The following AFF3 variants were observed in gnomAD, a reference collection of about 807,000 sequenced individuals.
AFF3 encodes AF4/FMR2 family member 3.
AFF3 carries 32 observed loss-of-function variants against 129.7 expected under a neutral mutation model. That is an observed-to-expected ratio of 0.25 (90% confidence interval 0.19 to 0.33). AFF3 has a LOEUF of 0.33. AFF3 is among the 10% of genes least tolerant of loss of function. The pLI is 1.00. For synonymous variants in AFF3, 644 were observed against 635.4 expected (o/e 1.01, Z -0.20); for missense variants, 1,373 against 1,592.0 (o/e 0.86, Z 2.34).
chr2:99,954,866 A>G (rs1676490051), intron 7 of AFF3, among the ~76,000 whole-genome samples: 2 of 151,796 alleles, frequency 1.3e-5, no homozygotes, highest in Non-Finnish European at 2.9e-5. Context: ...GTATACATAT[A>G]TAACTAACCT....
chr2:99,853,946 C>T (rs1690333085), intron 7 of AFF3, among the ~76,000 whole-genome samples: 1 of 152,180 alleles, frequency 6.6e-6, no homozygotes, highest in South Asian at 2.1e-4. Flanking sequence ...AACTTACTAG[C>T]TTCACATAGT....
chr2:99,962,996 A>T (rs561166650), intron 7 of AFF3, among the ~76,000 whole-genome samples: 2 of 151,758 alleles, frequency 1.3e-5, no homozygotes, highest in Non-Finnish European at 2.9e-5. Context: ...ACACATCATA[A>T]TTCAACTTCT....
chr2:99,600,695 G>C (rs547175128), intron 14 of AFF3, among the ~76,000 whole-genome samples: 14 of 152,286 alleles, frequency 9.2e-5, no homozygotes, highest in Non-Finnish European at 1.8e-4. Context: ...TCTACCCTTA[G>C]AGCTCTGCAG....
At chr2:99,987,117 G>C (rs1166626909) in intron 7 of AFF3, among the ~76,000 whole-genome samples, 2 of 152,156 alleles carry the variant, frequency 1.3e-5, no homozygotes, top group Non-Finnish European at 2.9e-5. Flanking sequence ...GGCATAAAGA[G>C]ACTTTCTTTC....
At chr2:99,818,028 T>C (rs1203261757) in intron 8 of AFF3, among the ~76,000 whole-genome samples, 1 of 152,200 alleles carries the variant, frequency 6.6e-6, no homozygotes, top group Non-Finnish European at 1.5e-5. Context: ...TGGCTTTTTA[T>C]AGCAATAACT....
chr2:100,065,217 A>G (rs1573316060), intron 4 of AFF3, among the ~76,000 whole-genome samples: 2 of 152,354 alleles, frequency 1.3e-5, no homozygotes, highest in East Asian at 3.9e-4. Flanking sequence ...AGGCTTATAA[A>G]AAGTCATATA....
intron 4 of AFF3, among the ~76,000 whole-genome samples, chr2:100,051,648 A>G (rs1686347058): frequency 6.6e-6 from 1 of 152,186 alleles, no homozygotes; most frequent in Non-Finnish European, 1.5e-5. Flanking sequence ...TAGAGTTTAA[A>G]TTAAAACTCA....
At chr2:99,844,812 G>A (rs184128175) in intron 7 of AFF3, among the ~76,000 whole-genome samples, 5 of 152,140 alleles carry the variant, frequency 3.3e-5, no homozygotes, top group African/African-American at 1.2e-4. Flanking sequence ...ATGTTCATGG[G>A]TACCATTTGC....
At chr2:100,128,438 C>T (rs1170947600) in intron 2 of AFF3, among the ~76,000 whole-genome samples, 1 of 152,164 alleles carries the variant, frequency 6.6e-6, no homozygotes, top group Non-Finnish European at 1.5e-5. Context: ...TCTCCAGAGG[C>T]CTCTGATTTT....
intron 2 of AFF3, among the ~76,000 whole-genome samples, chr2:100,119,941 A>T (rs1193926059): frequency 6.6e-6 from 1 of 152,228 alleles, no homozygotes; most frequent in Non-Finnish European, 1.5e-5. Context: ...GGAGTAGATT[A>T]CGCTTCTAAA....
intron 1 of AFF3, among the ~76,000 whole-genome samples, chr2:100,139,412 T>C (rs1692772475): frequency 3.3e-5 from 5 of 152,182 alleles, no homozygotes; most frequent in Admixed American, 3.3e-4. Flanking sequence ...TAAACCATGG[T>C]AATTTTTCCA....
intron 11 of AFF3, among the ~76,000 whole-genome samples, chr2:99,722,709 C>T (rs1679015692): frequency 6.6e-6 from 1 of 152,224 alleles, no homozygotes; most frequent in Admixed American, 6.5e-5. Context: ...ATTCCCCACA[C>T]ATATGCAGTT....
intron 7 of AFF3, among the ~76,000 whole-genome samples, chr2:99,918,237 A>G (rs1003452555): frequency 2.6e-5 from 4 of 152,210 alleles, no homozygotes; most frequent in African/African-American, 9.6e-5. Context: ...CAGAAGTCAT[A>G]AAGAAAAGTT....
At chr2:99,896,642 TTTTTTTTTTTG>T (rs1245169268) in intron 7 of AFF3, among the ~76,000 whole-genome samples, 2 of 124,708 alleles carry the variant, frequency 1.6e-5, no homozygotes, top group African/African-American at 3.0e-5. Flanking sequence ...TTTTTTTTTT[TTTTTTTTTTTG>T]GAGACGGAGT....
At chr2:100,010,013 T>G (rs898651455) in intron 4 of AFF3, among the ~76,000 whole-genome samples, 1 of 152,136 alleles carries the variant, frequency 6.6e-6, no homozygotes, top group Non-Finnish European at 1.5e-5. Flanking sequence ...GTTGGCACAC[T>G]CACCTGCGAA....
chr2:100,049,759 T>A (rs1327588944), intron 4 of AFF3, among the ~76,000 whole-genome samples: 1 of 152,168 alleles, frequency 6.6e-6, no homozygotes, highest in Admixed American at 6.5e-5. Context: ...CTTGAAATTT[T>A]AAAAAATCAC....
At chr2:99,796,099 C>T (rs755393874) in intron 8 of AFF3, among the ~76,000 whole-genome samples, 4 of 152,142 alleles carry the variant, frequency 2.6e-5, no homozygotes, top group Non-Finnish European at 5.9e-5. Context: ...TCCTCTTAAA[C>T]TCTCACCTGC....
In AFF3 at chr2:99,707,830, C is replaced by T. The variant is rs543988592; in HGVS notation, c.1091+19247G>A. On this transcript the variant is annotated intron_variant, in intron 11 of 24. Coordinates refer to ENST00000672756, the MANE Select transcript of AFF3 (RefSeq NM_001386135.1). ...TTAGTTATTTTGGTTGGCAGATTGC[C>T]AGAATTCATTCTTATTTTCTTTCTC... Among the ~76,000 whole-genome samples the T allele has an allele frequency of 4.6e-5, 7 of 152,200 alleles. No individual in the cohort carries two copies. In the South Asian group the frequency reaches 1.5e-3, roughly 32 times the overall value.
At chr2:100,031,456 A>C (rs1159277959) in intron 4 of AFF3, among the ~76,000 whole-genome samples, 1 of 152,128 alleles carries the variant, frequency 6.6e-6, no homozygotes, top group Non-Finnish European at 1.5e-5. Context: ...ACACACAGAG[A>C]GATTAGTATA....
Sources: allele counts gnomAD v4.1 joint callset (sites outside exome capture counted in the v4.1 genomes callset), GRCh38; gene constraint gnomAD v4.1.1; transcripts MANE v1.5; gene names NCBI Gene and HGNC (gene_info 2026-07-23, HGNC 2026-07-21).